The following PJA2 variants were observed in gnomAD, a reference collection of about 807,000 sequenced individuals.
The protein encoded by PJA2 is E3 ubiquitin-protein ligase Praja-2.
In PJA2, 25 loss-of-function variants were observed where a neutral mutation model predicts 69.3. The observed-to-expected ratio is 0.36, with a 90% CI of 0.26 to 0.50. PJA2 has a LOEUF of 0.50. PJA2 is among the 20% of genes least tolerant of loss of function. The pLI is 0.96. For missense variants in PJA2, 809 were observed against 830.2 expected (o/e 0.97, Z 0.31); for synonymous variants, 308 against 277.8 (o/e 1.11, Z -1.08).
At chr5:109,380,116 C>T (rs1163574051) in intron 3 of PJA2, among the ~76,000 whole-genome samples, 7 of 92,736 alleles carry the variant, frequency 7.5e-5, no homozygotes, top group Admixed American at 1.7e-4. Context: ...TTTTTTGAGA[C>T]GGAGTCTTGC....
At chr5:109,384,527 T>G (rs967817672) in intron 1 of PJA2, among the ~76,000 whole-genome samples, 24 of 152,190 alleles carry the variant, frequency 1.6e-4, no homozygotes, top group African/African-American at 5.3e-4. Context: ...TTTAAACACC[T>G]TATTTATTTA....
chr5:109,365,490 A>G (rs1255267004), intron 5 of PJA2, among the ~76,000 whole-genome samples: 1 of 152,206 alleles, frequency 6.6e-6, no homozygotes, highest in African/African-American at 2.4e-5. Context: ...TGTACGGAAG[A>G]TCTTTAGAAG....
intron 1 of PJA2, among the ~76,000 whole-genome samples, chr5:109,402,547 AAG>A (rs941964543): frequency 2.0e-5 from 3 of 152,162 alleles, no homozygotes; most frequent in African/African-American, 7.2e-5. Context: ...AAAAACTGAA[AAG>A]GAGAAATAAA....
At chr5:109,407,980 T>TA (rs1232726225) in intron 1 of PJA2, among the ~76,000 whole-genome samples, 3 of 152,160 alleles carry the variant, frequency 2.0e-5, no homozygotes, top group Non-Finnish European at 4.4e-5. Flanking sequence ...TAGTTCAGTC[T>TA]AAAGTTTACC....
chr5:109,350,019 A>G (rs1762224194), intron 7 of PJA2, among the ~76,000 whole-genome samples: 1 of 152,166 alleles, frequency 6.6e-6, no homozygotes, highest in Non-Finnish European at 1.5e-5. Context: ...CATAAACAGA[A>G]ATAAGGGATG....
intron 7 of PJA2, among the ~76,000 whole-genome samples, chr5:109,355,460 T>A (rs551343845): frequency 1.3e-5 from 2 of 152,218 alleles, no homozygotes; most frequent in East Asian, 3.8e-4. Context: ...GCCCCACTTA[T>A]TAAAGTGTGT....
chr5:109,344,078 CAA>C (rs1762132471), intron 9 of PJA2, 110 bp downstream of exon 9: 1 of 759,540 alleles, frequency 1.3e-6, no homozygotes, highest in African/African-American at 2.5e-5. Context: ...GCCTAGGTGA[CAA>C]GAGCGAAACT....
intron 1 of PJA2, among the ~76,000 whole-genome samples, chr5:109,408,678 C>G (rs185382630): frequency 1.3e-5 from 2 of 152,220 alleles, no homozygotes; most frequent in African/African-American, 4.8e-5. Context: ...CCTAACAGTC[C>G]GTTATTTATA....
At chr5:109,391,167 T>C (rs1747272604) in intron 1 of PJA2, among the ~76,000 whole-genome samples, 1 of 152,152 alleles carries the variant, frequency 6.6e-6, no homozygotes, top group Non-Finnish European at 1.5e-5. Flanking sequence ...CCCCAAAAAA[T>C]GAAAGAAACT....
At chr5:109,388,816 AAAT>A (rs1413401112) in intron 1 of PJA2, among the ~76,000 whole-genome samples, 1 of 152,180 alleles carries the variant, frequency 6.6e-6, no homozygotes, top group Admixed American at 6.5e-5. Context: ...AAAACATTTA[AAAT>A]TCCTCTTAAA....
intron 7 of PJA2, among the ~76,000 whole-genome samples, chr5:109,352,679 T>C (rs74599423): frequency 0.031 from 4,647 of 152,126 alleles, 96 homozygotes; most frequent in Middle Eastern, 0.048. Flanking sequence ...TGGACAGTTA[T>C]ATATGTAAAA....
chr5:109,340,342 C>T (rs531907841), intron 9 of PJA2, among the ~76,000 whole-genome samples: 1 of 148,462 alleles, frequency 6.7e-6, no homozygotes, highest in African/African-American at 2.5e-5. Context: ...TTGAGAAGAA[C>T]AAAGTGGCAA....
intron 4 of PJA2, among the ~76,000 whole-genome samples, chr5:109,369,244 T>C (rs895235598): frequency 2.0e-5 from 3 of 152,200 alleles, no homozygotes; most frequent in Admixed American, 6.5e-5. Flanking sequence ...CCAGACATCA[T>C]AGTATAGAGT....
chr5:109,400,626 C>T (rs968538042), intron 1 of PJA2, among the ~76,000 whole-genome samples: 1 of 152,030 alleles, frequency 6.6e-6, no homozygotes, highest in Non-Finnish European at 1.5e-5. Context: ...AGTATAAATA[C>T]AAAACACACA....
intron 9 of PJA2, among the ~76,000 whole-genome samples, chr5:109,343,983 G>GC (rs1364547096): frequency 6.6e-6 from 1 of 151,550 alleles, no homozygotes; most frequent in Non-Finnish European, 1.5e-5. Context: ...TGTAATCCCA[G>GC]CTACTTGGGA....
intron 7 of PJA2, among the ~76,000 whole-genome samples, chr5:109,355,118 C>A (rs1032689382): frequency 2.6e-5 from 4 of 151,868 alleles, no homozygotes; most frequent in Non-Finnish European, 4.4e-5. Flanking sequence ...AGTGAGATCT[C>A]GTCTCAAAAA....
chr5:109,372,670 T>C (rs555596795), intron 4 of PJA2, among the ~76,000 whole-genome samples: 10 of 150,232 alleles, frequency 6.7e-5, no homozygotes, highest in Non-Finnish European at 1.0e-4. Context: ...CTTTGGGAGG[T>C]TGAGGCAGGT....
At chr5:109,344,861 A>G in intron 7 of PJA2, 42 bp from the exon 8 acceptor site, 1 of 1,295,320 alleles carries the variant, frequency 7.7e-7, no homozygotes, top group Non-Finnish European at 1.1e-6. Flanking sequence ...AAATACTTTA[A>G]AACAGTAACA....
At chr5:109,355,890 A>G (rs1316959276) in intron 7 of PJA2, 25 bp downstream of exon 7, 2 of 1,499,104 alleles carry the variant, frequency 1.3e-6, no homozygotes, top group Admixed American at 1.8e-5. Context: ...CAACTTATAT[A>G]TGGAGATCAG....
Sources: allele counts gnomAD v4.1 joint callset (sites outside exome capture counted in the v4.1 genomes callset), GRCh38; gene constraint gnomAD v4.1.1; transcripts MANE v1.5; gene names NCBI Gene and HGNC (gene_info 2026-07-23, HGNC 2026-07-21).